The following GABBR2 variants were observed in gnomAD, a reference collection of about 807,000 sequenced individuals.
GABBR2 encodes G-protein coupled receptor 51.
Under a neutral mutation model 105.6 loss-of-function variants are expected in GABBR2, and 23 were observed. That is an observed-to-expected ratio of 0.22 (90% CI 0.16 to 0.31). The LOEUF (loss-of-function observed/expected upper bound fraction) is 0.31. Ranked by LOEUF, GABBR2 falls within the 10% of genes least tolerant of loss-of-function variation. The probability of loss-of-function intolerance (pLI) is 1.00; values close to 1 mark genes in which losing one functional copy is unlikely to be tolerated. For synonymous variants in GABBR2, 478 were observed against 499.7 expected, an observed-to-expected ratio of 0.96 and a Z score of 0.58; for missense variants, 734 against 1,245.5, an observed-to-expected ratio of 0.59 and a Z score of 6.18.
chr9:98,649,167 T>C (rs1830071102), intron 1 of GABBR2, among the ~76,000 whole-genome samples: 1 of 152,246 alleles, frequency 6.6e-6, no homozygotes, highest in Non-Finnish European at 1.5e-5. Context: ...GAATTTGATT[T>C]AAATCTAACT....
chr9:98,494,638 A>G (rs1254537780), intron 4 of GABBR2, among the ~76,000 whole-genome samples: 1 of 152,156 alleles, frequency 6.6e-6, no homozygotes, highest in Non-Finnish European at 1.5e-5. Context: ...CACATCTGTG[A>G]AACAGGGATA....
intron 1 of GABBR2, among the ~76,000 whole-genome samples, chr9:98,693,921 C>T (rs546458305): frequency 5.7e-4 from 87 of 152,334 alleles, no homozygotes; most frequent in African/African-American, 2.0e-3. Flanking sequence ...GGTTAAAAAC[C>T]CAGTGTCCAA....
chr9:98,501,128 C>CG (rs1277656357), intron 3 of GABBR2, among the ~76,000 whole-genome samples: 5 of 142,304 alleles, frequency 3.5e-5, no homozygotes, highest in East Asian at 4.2e-4. Flanking sequence ...AACCACTGCC[C>CG]CCCCCCCTTC....
At chr9:98,316,182 A>C (rs1830714531) in intron 13 of GABBR2, among the ~76,000 whole-genome samples, 1 of 146,524 alleles carries the variant, frequency 6.8e-6, no homozygotes, top group African/African-American at 2.5e-5. Context: ...ACAGAGTTTC[A>C]CTCTTGTTGC....
chr9:98,633,943 C>T (rs778833797), intron 1 of GABBR2, among the ~76,000 whole-genome samples: 3 of 152,264 alleles, frequency 2.0e-5, no homozygotes, highest in African/African-American at 4.8e-5. Flanking sequence ...ACATGGTAAC[C>T]GGCTTCAGTG....
At chr9:98,708,223 G>A (rs1564157528) in intron 1 of GABBR2, among the ~76,000 whole-genome samples, 194 bp downstream of exon 1, 1 of 152,150 alleles carries the variant, frequency 6.6e-6, no homozygotes, top group East Asian at 1.9e-4. Flanking sequence ...GGGGTGCTTG[G>A]CAAATGTTAC....
At chr9:98,542,147 T>C (rs1828316317) in intron 2 of GABBR2, 104 bp from the exon 3 acceptor site, 8 of 879,342 alleles carry the variant, frequency 9.1e-6, no homozygotes, top group Admixed American at 2.4e-5. Flanking sequence ...ACTTAGAGCA[T>C]AAACACACAG....
chr9:98,509,205 G>A (rs1166217901), intron 3 of GABBR2, among the ~76,000 whole-genome samples: 2 of 152,158 alleles, frequency 1.3e-5, no homozygotes, highest in African/African-American at 4.8e-5. Flanking sequence ...TGCAGCTGAG[G>A]GTCCTGTCCG....
chr9:98,421,992 A>G (rs1179188761), intron 7 of GABBR2, among the ~76,000 whole-genome samples: 1 of 152,256 alleles, frequency 6.6e-6, no homozygotes, highest in Non-Finnish European at 1.5e-5. Flanking sequence ...ATCAAAATTG[A>G]GCATTTCCTA....
intron 2 of GABBR2, among the ~76,000 whole-genome samples, chr9:98,576,124 C>T (rs950377054): frequency 2.2e-4 from 34 of 152,188 alleles, no homozygotes; most frequent in East Asian, 3.9e-4. Context: ...CAAGCTTGGG[C>T]TCCACCCCAG....
At position 98,338,430 on chromosome 9, in the gene GABBR2, CA is replaced by C. The variant is rs546203237; in HGVS notation, c.1893+24284del. On this transcript the variant is annotated intron_variant, in intron 13 of 18. Transcript: ENST00000259455. ...AGAACTCTTACAACTCCACAAAAAA[CA>C]GATGAATAATTCAATTAAAAATGGG... 5.4e-3 allele frequency among the ~76,000 whole-genome samples: 815 copies of C among 152,186 alleles called. 10 individuals are homozygous for C. The highest frequency in any genetic ancestry group is 8.9e-3 in the Non-Finnish European group (604 of 67,986).
chr9:98,671,649 C>T (rs1429373235), intron 1 of GABBR2, among the ~76,000 whole-genome samples: 1 of 152,208 alleles, frequency 6.6e-6, no homozygotes, highest in Non-Finnish European at 1.5e-5. Flanking sequence ...TCCTCACCAG[C>T]ACTTGTTATT....
intron 7 of GABBR2, among the ~76,000 whole-genome samples, chr9:98,418,184 G>A (rs770311750): frequency 2.0e-5 from 3 of 152,168 alleles, no homozygotes; most frequent in African/African-American, 7.2e-5. Flanking sequence ...CAGCCAGTGG[G>A]AAGCTGTGGA....
Position 98,454,253 on chromosome 9 carries a change from T to C in GABBR2, c.1000-36A>G. 1 of 1,436,248 alleles carries C rather than the reference T, an allele frequency of 7.0e-7. No individual in the cohort carries two copies. The highest frequency in any genetic ancestry group is 1.1e-5 in the South Asian group (1 of 87,598). The allele number at this position is 1,436,248 out of a possible 1,614,324, so 89.0% of individuals were successfully genotyped here. A position where few individuals can be genotyped will look rare whatever the true frequency, so the allele number is the denominator to read the frequency against. On this transcript the variant is annotated intron_variant, in intron 6 of 18. Coordinates refer to ENST00000259455, the MANE Select transcript of GABBR2 (RefSeq NM_005458.8). This position sits in a 1 kb window ranked among gnomAD's most constrained non-coding sequence, Gnocchi z 4.6. Reference sequence around the variant, plus strand: ...AGGGGATTGGGGGAATCCCAAGTTATACTCGGCAGGGACATCAGGTGCCTG... The same window carrying C: ...AGGGGATTGGGGGAATCCCAAGTTACACTCGGCAGGGACATCAGGTGCCTG...
At chr9:98,298,609 G>A (rs1830419220) in intron 17 of GABBR2, among the ~76,000 whole-genome samples, 1 of 152,132 alleles carries the variant, frequency 6.6e-6, no homozygotes, top group Non-Finnish European at 1.5e-5. Context: ...AGGCAAAAAT[G>A]GTTTGTGGTT....
chr9:98,622,018 T>C (rs1487366701), intron 1 of GABBR2, among the ~76,000 whole-genome samples: 1 of 152,208 alleles, frequency 6.6e-6, no homozygotes, highest in Non-Finnish European at 1.5e-5. Flanking sequence ...AAAATGGTCT[T>C]TAGGCATCCC....
At chr9:98,433,748 CCAGA>C (rs1040336339) in intron 7 of GABBR2, among the ~76,000 whole-genome samples, 16 of 152,060 alleles carry the variant, frequency 1.1e-4, no homozygotes, top group Admixed American at 7.9e-4. Context: ...GCCACAGCCC[CCAGA>C]CAAAGAGATG....
At chr9:98,349,436 TC>T (rs1278696056) in intron 13 of GABBR2, among the ~76,000 whole-genome samples, 1 of 136,972 alleles carries the variant, frequency 7.3e-6, no homozygotes, top group Non-Finnish European at 1.5e-5. Flanking sequence ...CATTGCAACC[TC>T]CGCCTCCTGG....
rs1272582879 is a variant in GABBR2, at chr9:98,288,282, G to A, written c.*2302C>T. 2 of 152,554 alleles carry A rather than the reference G, an allele frequency of 1.3e-5. No individual in the cohort carries two copies. Among genetic ancestry groups the A allele is most frequent in the Non-Finnish European group, 2.9e-5 (2 of 68,048 alleles). The allele number at this position is 152,554 out of a possible 1,614,324, so 9.5% of individuals were successfully genotyped here. A position where few individuals can be genotyped will look rare whatever the true frequency, so the allele number is the denominator to read the frequency against. On this transcript the variant is annotated 3_prime_UTR_variant, in exon 19 of 19. Coordinates refer to ENST00000259455, the MANE Select transcript of GABBR2 (RefSeq NM_005458.8). ...CGAAGCCTCTTCAGAAATGGACGGT[G>A]TGTTTGCTGCATATAAAAGAACAGA...
Sources: gnomAD v4.1 joint callset for allele counts (sites outside exome capture counted in the v4.1 genomes callset) on GRCh38, gnomAD v4.1.1 for gene constraint, Gnocchi (gnomAD v3.1) non-coding constraint, MANE v1.5 for transcripts, NCBI Gene and HGNC (gene_info 2026-07-23, HGNC 2026-07-21) for gene names.